DNAI4: variants seen among roughly 807,000 people sequenced by gnomAD.
The protein encoded by DNAI4 is dynein axonemal intermediate chain 4.
DNAI4 carries 85 observed loss-of-function variants against 105.8 expected under a neutral mutation model. That is an observed-to-expected ratio of 0.80 (90% CI 0.67 to 0.96). The LOEUF is 0.96. Ranked by LOEUF, DNAI4 falls within the 40% of genes least tolerant of loss-of-function variation. DNAI4 has a pLI of 0.00. For synonymous variants in DNAI4, 352 were observed against 331.5 expected (o/e 1.06, Z -0.67); for missense variants, 1,014 against 1,005.6 (o/e 1.01, Z -0.11).
At chr1:66,901,177 T>A (rs905594686) in intron 2 of DNAI4, among the ~76,000 whole-genome samples, 1 of 152,242 alleles carries the variant, frequency 6.6e-6, no homozygotes, top group Non-Finnish European at 1.5e-5. Flanking sequence ...CTATTGTTTT[T>A]CTATTCAATA....
intron 13 of DNAI4, among the ~76,000 whole-genome samples, chr1:66,831,316 T>C (rs1293262121): frequency 6.6e-6 from 1 of 152,152 alleles, no homozygotes; most frequent in African/African-American, 2.4e-5. Flanking sequence ...ATTACCCTGA[T>C]AGTAAAGTCA....
In DNAI4 at chr1:66,840,598, C is replaced by T. The variant is rs757982471; in HGVS notation, c.1365G>A (p.Lys455=). 1.2e-6 allele frequency: 2 copies of T among 1,614,154 alleles called. No homozygotes were observed. The highest frequency in any genetic ancestry group is 2.2e-5 in the South Asian group (2 of 91,078). ...CTGCATGTATTTCTTCTTCCTCCTC[C>T]TTCTTAGATTCTTCCTCTACCTCTT... ...KHEEVEEESK[K]EEEEEIHAEE... Residue 455 remains lysine (K), a synonymous_variant, in exon 9 of 17, where the codon AAG becomes AAA. Transcript: ENST00000371026.
intron 5 of DNAI4, among the ~76,000 whole-genome samples, chr1:66,872,708 C>T (rs1646872685): frequency 6.6e-6 from 1 of 151,726 alleles, no homozygotes; most frequent in South Asian, 2.1e-4. Context: ...TTCCAATGCT[C>T]TTATTTATCT....
intron 1 of DNAI4, 22 bp downstream of exon 1, chr1:66,924,640 G>A (rs1259552244): frequency 2.5e-6 from 4 of 1,614,236 alleles, no homozygotes; most frequent in Non-Finnish European, 3.4e-6. Context: ...GATGGACTAC[G>A]GTTTTTAGCG....
intron 1 of DNAI4, among the ~76,000 whole-genome samples, chr1:66,923,065 G>A (rs922543737): frequency 2.6e-5 from 4 of 152,096 alleles, no homozygotes; most frequent in African/African-American, 4.8e-5. Context: ...GTCTAACAAC[G>A]TTGTAGTTGT....
chr1:66,840,812 A>G lies in DNAI4; in HGVS notation c.1292-141T>C, dbSNP rs921716371. 4.7e-6 allele frequency: 4 copies of G among 856,018 alleles called. No individual in the cohort carries two copies. The African/African-American group carries it at 6.8e-5, about 15-fold the overall frequency. The allele number at this position is 856,018 out of a possible 1,614,324, so 53.0% of individuals were successfully genotyped here. On this transcript the variant is annotated intron_variant, in intron 8 of 16. Transcript: ENST00000371026. Reference sequence around the variant, plus strand: ...GATCATATGGTGCAAGTGGCAGGGCACCATGAAGGGCAGCCTGGACCTGTG... The same window carrying G: ...GATCATATGGTGCAAGTGGCAGGGCGCCATGAAGGGCAGCCTGGACCTGTG...
intron 1 of DNAI4, among the ~76,000 whole-genome samples, chr1:66,917,542 A>T (rs1401857355): frequency 6.6e-6 from 1 of 152,260 alleles, no homozygotes; most frequent in East Asian, 1.9e-4. Flanking sequence ...AACTCCATAA[A>T]CTGAACTGAC....
Position 66,924,720 on chromosome 1 carries a change from G to T in DNAI4, c.112C>A (p.Leu38Met). The T allele has an allele frequency of 6.2e-7, 1 of 1,614,236 alleles. No homozygotes were observed. ...QKKGWCTTPQ[L>M]VATMPVSPAG... ...GGAGAGACTGGCATGGTGGCGACCA[G>T]CTGGGGAGTGGTGCACCACCCCTTT... is the stretch of plus-strand genomic sequence containing the variant. Residue 38 changes from leucine to methionine, a missense_variant, in exon 1 of 17, where the codon CTG becomes ATG. By Grantham distance (15) the Leu-to-Met change is conservative. Transcript: ENST00000371026.
At chr1:66,862,973 A>G (rs1646659173) in intron 6 of DNAI4, among the ~76,000 whole-genome samples, 1 of 152,228 alleles carries the variant, frequency 6.6e-6, no homozygotes, top group Non-Finnish European at 1.5e-5. Flanking sequence ...AATTTCCTAT[A>G]CACTTATTAT....
At chr1:66,911,196 C>CA (rs1649633926) in intron 1 of DNAI4, among the ~76,000 whole-genome samples, 1 of 152,154 alleles carries the variant, frequency 6.6e-6, no homozygotes, top group East Asian at 1.9e-4. Context: ...TCACAGAACT[C>CA]AGAGAAACAC....
At chr1:66,913,549 T>C (rs889562095) in intron 1 of DNAI4, among the ~76,000 whole-genome samples, 27 of 152,212 alleles carry the variant, frequency 1.8e-4, no homozygotes, top group African/African-American at 6.5e-4. Flanking sequence ...ATCTGGGCAA[T>C]TGTGGCCCTG....
At chr1:66,910,124 G>A (rs991920374) in intron 1 of DNAI4, among the ~76,000 whole-genome samples, 1 of 152,108 alleles carries the variant, frequency 6.6e-6, no homozygotes, top group African/African-American at 2.4e-5. Context: ...GAGACAGGAG[G>A]ATTGCTTGAG....
At chr1:66,824,042 G>A (rs1460045845) in intron 15 of DNAI4, among the ~76,000 whole-genome samples, 2 of 141,244 alleles carry the variant, frequency 1.4e-5, no homozygotes, top group Admixed American at 1.4e-4. Flanking sequence ...TATGGTTTTA[G>A]GTCTAACGTT....
chr1:66,852,445 C>T (rs1471624140), intron 7 of DNAI4, among the ~76,000 whole-genome samples: 1 of 151,852 alleles, frequency 6.6e-6, no homozygotes, highest in East Asian at 1.9e-4. Context: ...TATCTCTCAT[C>T]AACATCAACA....
At chr1:66,855,666 T>C (rs1646485332) in intron 7 of DNAI4, among the ~76,000 whole-genome samples, 1 of 152,114 alleles carries the variant, frequency 6.6e-6, no homozygotes, top group Non-Finnish European at 1.5e-5. Flanking sequence ...GAAGACATAA[T>C]AATCTTAAAT....
chr1:66,840,440 C>T lies in DNAI4; in HGVS notation c.1494+29G>A, dbSNP rs752961042. On this transcript the variant is annotated intron_variant, in intron 9 of 16. Coordinates refer to ENST00000371026, the MANE Select transcript of DNAI4 (RefSeq NM_024763.5). ...GATAATTTCCCTTCAATGCTAGAAACAGAATTGTTCAAATGTTTGATAACT... is the reference window on the plus strand; with the variant it reads ...GATAATTTCCCTTCAATGCTAGAAATAGAATTGTTCAAATGTTTGATAACT... The T allele has an allele frequency of 6.9e-6, 11 of 1,584,434 alleles. No homozygotes were observed. In the South Asian group the frequency reaches 1.2e-4, roughly 18 times the overall value.
At chr1:66,878,091 C>A (rs1646994832) in intron 4 of DNAI4, among the ~76,000 whole-genome samples, 1 of 152,078 alleles carries the variant, frequency 6.6e-6, no homozygotes, top group Admixed American at 6.6e-5. Context: ...TAAGATCCAC[C>A]TTCTTGAGGG....
intron 1 of DNAI4, among the ~76,000 whole-genome samples, chr1:66,911,819 T>C (rs1457610206): frequency 8.9e-6 from 1 of 111,900 alleles, no homozygotes; most frequent in Non-Finnish European, 1.8e-5. Flanking sequence ...CTATTCAAAG[T>C]CATCCCTCTG....
At chr1:66,871,814 C>T (rs1479030046) in intron 5 of DNAI4, among the ~76,000 whole-genome samples, 2 of 152,060 alleles carry the variant, frequency 1.3e-5, no homozygotes, top group African/African-American at 2.4e-5. Flanking sequence ...TCTTTGATGA[C>T]CCATGAGGAA....
Sources: allele counts gnomAD v4.1 joint callset (sites outside exome capture counted in the v4.1 genomes callset), GRCh38; gene constraint gnomAD v4.1.1; transcripts MANE v1.5; gene names NCBI Gene and HGNC (gene_info 2026-07-23, HGNC 2026-07-21).